The following NKAIN3 variants were observed in gnomAD, a reference collection of about 807,000 sequenced individuals.
NKAIN3 encodes sodium/potassium-transporting ATPase subunit beta-1-interacting protein 3.
In NKAIN3, 25 loss-of-function variants were observed where a neutral mutation model predicts 30.2. The ratio of observed to expected loss-of-function variants is 0.83; its 90% CI spans 0.60 to 1.16. The LOEUF (loss-of-function observed/expected upper bound fraction) is 1.16. NKAIN3 is among the 50% of genes most tolerant of loss of function. The pLI, the probability that NKAIN3 is intolerant of heterozygous loss-of-function variation, is 0.00. For synonymous variants in NKAIN3, 91 were observed against 89.6 expected (o/e 1.02, Z -0.09); for missense variants, 225 against 254.1 (o/e 0.89, Z 0.78).
intron 1 of NKAIN3, among the ~76,000 whole-genome samples, chr8:62,390,344 G>T (rs1817553964): frequency 6.6e-6 from 1 of 152,006 alleles, no homozygotes; most frequent in African/African-American, 2.4e-5. Flanking sequence ...ATGTCTGCCG[G>T]CTCCAACCAT....
At chr8:62,619,794 T>A (rs1811568331) in intron 3 of NKAIN3, among the ~76,000 whole-genome samples, 1 of 152,130 alleles carries the variant, frequency 6.6e-6, no homozygotes, top group Non-Finnish European at 1.5e-5. Flanking sequence ...TTTAGGGTCT[T>A]CCTAACTGTT....
intron 1 of NKAIN3, among the ~76,000 whole-genome samples, chr8:62,497,430 C>CT (rs1275115460): frequency 1.1e-5 from 1 of 91,278 alleles, no homozygotes; most frequent in African/African-American, 4.7e-5. Flanking sequence ...TAAGTATAAC[C>CT]TATTTTTTTT....
chr8:62,417,901 G>C (rs1336597405), intron 1 of NKAIN3, among the ~76,000 whole-genome samples: 1 of 152,124 alleles, frequency 6.6e-6, no homozygotes, highest in African/African-American at 2.4e-5. Context: ...TTTGCAGGAT[G>C]TTGTTTTATT....
chr8:62,580,760 C>G (rs895350957), intron 2 of NKAIN3, among the ~76,000 whole-genome samples: 1 of 152,028 alleles, frequency 6.6e-6, no homozygotes, highest in Admixed American at 6.6e-5. Flanking sequence ...AATTTGCTGC[C>G]AGGGTTAAAC....
chr8:62,828,751 A>C (rs896261500), intron 4 of NKAIN3, among the ~76,000 whole-genome samples: 1 of 152,136 alleles, frequency 6.6e-6, no homozygotes, highest in Non-Finnish European at 1.5e-5. Flanking sequence ...GACATGGAAC[A>C]CTTACTCTTG....
chr8:62,249,410 C>T (rs988243765), intron 1 of NKAIN3, among the ~76,000 whole-genome samples: 5 of 152,318 alleles, frequency 3.3e-5, no homozygotes, highest in South Asian at 2.1e-4. Flanking sequence ...GGTCCAGGGG[C>T]CAGGAGCCGG....
In NKAIN3 at chr8:62,826,764, T is replaced by G. The variant is rs116399850; in HGVS notation, c.471+79635T>G. On this transcript the variant is annotated intron_variant, in intron 4 of 6. Coordinates refer to ENST00000623646, the MANE Select transcript of NKAIN3 (RefSeq NM_001304533.3). ...TGCTAATTAATTATACATTATTTAT[T>G]GGAAATACAATGCTCTCCTTGTACT... Among the ~76,000 whole-genome samples, 817 of 152,316 alleles carry G rather than the reference T, an allele frequency of 5.4e-3. 6 individuals are homozygous for G. Among genetic ancestry groups the G allele is most frequent in the African/African-American group, 0.019 (782 of 41,576 alleles).
chr8:62,252,116 C>T (rs1259847163), intron 1 of NKAIN3, among the ~76,000 whole-genome samples: 2 of 152,094 alleles, frequency 1.3e-5, no homozygotes, highest in Admixed American at 6.5e-5. Flanking sequence ...AGATCTGGTG[C>T]ACTTTCTACT....
chr8:62,313,990 A>C (rs1563929609), intron 1 of NKAIN3, among the ~76,000 whole-genome samples: 1 of 152,154 alleles, frequency 6.6e-6, no homozygotes, highest in African/African-American at 2.4e-5. Context: ...AATAAAATAA[A>C]ATGTATAATG....
chr8:62,820,980 A>G (rs1818830772), intron 4 of NKAIN3, among the ~76,000 whole-genome samples: 1 of 152,162 alleles, frequency 6.6e-6, no homozygotes, highest in Non-Finnish European at 1.5e-5. Context: ...CATAATTAAA[A>G]GCAGGAGAAT....
At chr8:62,636,237 G>T (rs1431125245) in intron 3 of NKAIN3, among the ~76,000 whole-genome samples, 1 of 152,160 alleles carries the variant, frequency 6.6e-6, no homozygotes, top group Non-Finnish European at 1.5e-5. Context: ...AGTCTGTGAT[G>T]CAGCAATCCA....
At chr8:62,690,423 G>A (rs1317835336) in intron 3 of NKAIN3, among the ~76,000 whole-genome samples, 1 of 152,228 alleles carries the variant, frequency 6.6e-6, no homozygotes, top group Non-Finnish European at 1.5e-5. Flanking sequence ...GTGAATACAT[G>A]TGATTGTTCT....
intron 1 of NKAIN3, among the ~76,000 whole-genome samples, chr8:62,429,972 G>A (rs1259029467): frequency 6.6e-6 from 1 of 151,740 alleles, no homozygotes; most frequent in Non-Finnish European, 1.5e-5. Context: ...AACTGAAACA[G>A]TATACCCATT....
chr8:62,606,676 C>T (rs552078776), intron 3 of NKAIN3, among the ~76,000 whole-genome samples: 1 of 152,220 alleles, frequency 6.6e-6, no homozygotes, highest in African/African-American at 2.4e-5. Context: ...TTTAAATGGG[C>T]CATCTGATGT....
At chr8:62,706,368 T>C (rs1313399947) in intron 3 of NKAIN3, among the ~76,000 whole-genome samples, 1 of 152,096 alleles carries the variant, frequency 6.6e-6, no homozygotes, top group East Asian at 1.9e-4. Context: ...GATATATATT[T>C]GGTTCTCAGA....
chr8:62,696,859 C>A (rs1814172803), intron 3 of NKAIN3, among the ~76,000 whole-genome samples: 1 of 152,062 alleles, frequency 6.6e-6, no homozygotes. Context: ...GGGATACTAT[C>A]TGATTGAAGC....
At position 62,719,881 on chromosome 8, in the gene NKAIN3, C is replaced by G. The variant is rs375241264; in HGVS notation, c.274-27051C>G. Among the ~76,000 whole-genome samples, 52 of 151,572 alleles carry G rather than the reference C, an allele frequency of 3.4e-4. No individual in the cohort carries two copies. The East Asian group carries it at 8.4e-3, about 24-fold the overall frequency. ...ACGCCATTCTCCTGCCTCAGCCTCCCGAGTAGCTGGGACTACAGGCTCTCG... is the reference window on the plus strand; with the variant it reads ...ACGCCATTCTCCTGCCTCAGCCTCCGGAGTAGCTGGGACTACAGGCTCTCG... On this transcript the variant is annotated intron_variant, in intron 3 of 6. Transcript: ENST00000623646.
chr8:62,833,958 C>T (rs552780000), intron 4 of NKAIN3, among the ~76,000 whole-genome samples: 43 of 152,052 alleles, frequency 2.8e-4, no homozygotes, highest in African/African-American at 9.2e-4. Context: ...CTAGAAATCA[C>T]ATCAAAAAGT....
At chr8:62,672,541 G>A (rs971558512) in intron 3 of NKAIN3, among the ~76,000 whole-genome samples, 1 of 152,186 alleles carries the variant, frequency 6.6e-6, no homozygotes, top group Non-Finnish European at 1.5e-5. Context: ...AAAGAGGCAT[G>A]GTTAGTTTTA....
Sources: gnomAD v4.1 joint callset for allele counts (sites outside exome capture counted in the v4.1 genomes callset) on GRCh38, gnomAD v4.1.1 for gene constraint, MANE v1.5 for transcripts, NCBI Gene and HGNC (gene_info 2026-07-23, HGNC 2026-07-21) for gene names.